TEP1: variants seen among roughly 807,000 people sequenced by gnomAD.
The protein encoded by TEP1 is telomerase associated protein 1, also known as telomerase protein component 1.
In TEP1, 241 loss-of-function variants were observed where a neutral mutation model predicts 306.3. That is an observed-to-expected ratio of 0.79 (90% CI 0.71 to 0.88). TEP1 has a LOEUF of 0.88. Among genes scored for constraint, TEP1 ranks in the 40% least tolerant of loss-of-function variants. The pLI, the probability that TEP1 is intolerant of heterozygous loss-of-function variation, is 0.00. For missense variants in TEP1, 3,051 were observed against 3,276.1 expected (o/e 0.93, Z 1.68); for synonymous variants, 1,289 against 1,305.5 (o/e 0.99, Z 0.27).
intron 39 of TEP1, 51 bp from the exon 40 acceptor site, chr14:20,377,804 C>G: frequency 6.2e-7 from 1 of 1,601,678 alleles, no homozygotes; most frequent in Non-Finnish European, 8.5e-7. Flanking sequence ...ACGCGGTCCT[C>G]CTTCCTGTTT....
At chr14:20,375,250 G>A (rs960330268) in intron 43 of TEP1, among the ~76,000 whole-genome samples, 20 of 151,976 alleles carry the variant, frequency 1.3e-4, no homozygotes, top group South Asian at 2.1e-4. Context: ...TCTGCCTCCC[G>A]GGTTCAAGTT....
intron 44 of TEP1, 87 bp from the exon 45 acceptor site, chr14:20,373,897 T>G: frequency 6.6e-7 from 1 of 1,525,798 alleles, no homozygotes; most frequent in Non-Finnish European, 8.9e-7. Context: ...GGTGGAGCAT[T>G]AGGAGCATGG....
chr14:20,395,392 A>G lies in TEP1; in HGVS notation c.1928+58T>C, dbSNP rs981455097. ...AGTTGGGATTCCCAGATGACTTCCA[A>G]CCTGTGCCAGGGTAGCCCCGATTGC... On this transcript the variant is annotated intron_variant, in intron 12 of 54. Coordinates refer to ENST00000262715, the MANE Select transcript of TEP1 (RefSeq NM_007110.5). 16 of 1,486,228 alleles carry G rather than the reference A, an allele frequency of 1.1e-5. No homozygotes were observed. In the Admixed American group the frequency reaches 1.9e-4, roughly 17 times the overall value. The allele number at this position is 1,486,228 out of a possible 1,614,324, so 92.1% of individuals were successfully genotyped here.
chr14:20,378,660 G>A (rs1885345567), intron 37 of TEP1, 94 bp downstream of exon 37: 4 of 1,577,402 alleles, frequency 2.5e-6, no homozygotes, highest in Non-Finnish European at 3.5e-6. Context: ...CTCTGGCCAG[G>A]GAGTCAGCAG....
At chr14:20,400,795 C>A in intron 9 of TEP1, 189 bp downstream of exon 9, 1 of 653,996 alleles carries the variant, frequency 1.5e-6, no homozygotes. Context: ...ATCTATGATG[C>A]CAACATTACT....
chr14:20,373,545 C>T lies in TEP1; in HGVS notation c.6643G>A (p.Gly2215Arg), dbSNP rs766727831. 17 of 1,614,056 alleles carry T rather than the reference C, an allele frequency of 1.1e-5. No homozygotes were observed. The highest frequency in any genetic ancestry group is 4.5e-5 in the East Asian group (2 of 44,894). Reference sequence around the variant, plus strand: ...CATAACCGTGTGGCCCCATCTAGCCCGACGGTTACCACCAGAAGCTCTGAC... The same window carrying T: ...CATAACCGTGTGGCCCCATCTAGCCTGACGGTTACCACCAGAAGCTCTGAC... ...PGSELLVVTV[G>R]LDGATRLWHP... The change falls in exon 46 of 55, where the codon GGG (glycine) becomes AGG (arginine). Residue 2215 changes from glycine (G) to arginine (R), a missense_variant. Physicochemically the swap from Gly to Arg is moderately radical, Grantham distance 125. Around this residue, in one of 3 missense-constraint regions of TEP1, gnomAD observed 1,540 missense variants for 1,705.9 expected, o/e 0.90. Transcript: ENST00000262715.
In TEP1 at chr14:20,368,487, G is replaced by A. The variant is rs1884604973; in HGVS notation, c.7834C>T (p.Leu2612Phe). 1.2e-6 allele frequency: 2 copies of A among 1,614,156 alleles called. No homozygotes were observed. Among genetic ancestry groups the A allele is most frequent in the Non-Finnish European group, 8.5e-7 (1 of 1,180,042 alleles). ...PWLGANSTLQ[L>F]AVGDVQGNVY... ...TTGCCCTGCACGTCTCCCACGGCAA[G>A]CTGCAGGGTGGAGTTAGCGCCCAGC... The change falls in exon 55 of 55, where the codon CTT becomes TTT. Residue 2612 changes from leucine (L) to phenylalanine (F), a missense_variant. Physicochemically the swap from Leu to Phe is conservative, Grantham distance 22 (BLOSUM62 0). This residue lies in a region of TEP1 where 1,540 missense variants were observed against 1,705.9 expected (regional missense o/e 0.90). Coordinates refer to ENST00000262715, the MANE Select transcript of TEP1 (RefSeq NM_007110.5).
Position 20,381,439 on chromosome 14 carries a change from T to A in TEP1, c.4559-38A>T. ...ATATTGAGAAAGGCTCAGCCCTGCA[T>A]CATTCCCAAGGGCAGTAGGTGAGCT... On this transcript the variant is annotated intron_variant, in intron 31 of 54. Transcript: ENST00000262715. This position sits in a 1 kb window ranked among gnomAD's most constrained non-coding sequence, Gnocchi z 4.0. 6.2e-7 allele frequency: 1 copy of A among 1,613,436 alleles called. No individual in the cohort carries two copies. Among genetic ancestry groups the A allele is most frequent in the Non-Finnish European group, 8.5e-7 (1 of 1,179,808 alleles).
rs746845018 is a variant in TEP1, at chr14:20,386,539, T to C, written c.2769A>G (p.Pro923=). The C allele has an allele frequency of 6.2e-7, 1 of 1,613,146 alleles. No homozygotes were observed. Among genetic ancestry groups the C allele is most frequent in the Non-Finnish European group, 8.5e-7 (1 of 1,179,410 alleles). ...ERDLLLRSVL[P]ALQARAAPHR... ...GAGGGGCCGCTCGGGCCTGCAGTGC[T>C]GGCAGCACAGACCTCAGCAGCAGGT... The change falls in exon 19 of 55, where the codon CCA becomes CCG. Residue 923 remains proline (P), a synonymous_variant. Transcript: ENST00000262715.
Position 20,368,370 on chromosome 14 carries a change from G to T in TEP1, c.*67C>A, listed in dbSNP as rs1436795873. On this transcript the variant is annotated 3_prime_UTR_variant, in exon 55 of 55. Transcript: ENST00000262715. ...ATTATTAATTTTATAATTATTAAAA[G>T]CTACCAGTGTCTTCAGGCTTTGCAT... 6.7e-7 allele frequency: 1 copy of T among 1,501,250 alleles called. No homozygotes were observed. Among genetic ancestry groups the T allele is most frequent in the Non-Finnish European group, 9.0e-7 (1 of 1,110,932 alleles). The allele number at this position is 1,501,250 out of a possible 1,614,324, so 93.0% of individuals were successfully genotyped here.
chr14:20,404,812 C>T (rs1345405637), intron 4 of TEP1, 40 bp from the exon 5 acceptor site: 1 of 1,556,930 alleles, frequency 6.4e-7, no homozygotes, highest in African/African-American at 1.4e-5. Flanking sequence ...TCAGTCACTC[C>T]TCCCGTAGCT....
In TEP1 at chr14:20,386,484, G is replaced by T. The variant is rs745737029; in HGVS notation, c.2824C>A (p.Arg942Ser). ...HRISLHGIDL[R>S]WGVTEEETRR... ...GTCTCCTCCTCAGTGACGCCCCAGC[G>T]GAGGTCGATTCCGTGAAGGCTGATA... The change falls in exon 19 of 55, where the codon CGC becomes AGC. Residue 942 changes from arginine (R) to serine (S), a missense_variant. By Grantham distance (110) the Arg-to-Ser change is moderately radical. Around this residue, in one of 3 missense-constraint regions of TEP1, gnomAD observed 1,507 missense variants for 1,550.5 expected, o/e 0.97. Transcript: ENST00000262715. 3.1e-6 allele frequency: 5 copies of T among 1,611,596 alleles called. No individual in the cohort carries two copies. Among genetic ancestry groups the T allele is most frequent in the Non-Finnish European group, 4.2e-6 (5 of 1,178,884 alleles).
rs373024184 is a variant in TEP1 at position 20,386,526 on chromosome 14, G to A, written c.2782C>T (p.Arg928Ter). ...LRSVLPALQA[R>*]AAPHRISLHG... is the part of the protein sequence containing the mutation. ...AGGCTGATACGGTGAGGGGCCGCTCGGGCCTGCAGTGCTGGCAGCACAGAC... is the reference window on the plus strand; with the variant it reads ...AGGCTGATACGGTGAGGGGCCGCTCAGGCCTGCAGTGCTGGCAGCACAGAC... The change falls in exon 19 of 55, where the codon CGA (arginine) becomes TGA (stop). Residue 928 changes from arginine to a stop codon, truncating the protein, a stop_gained. Coordinates refer to ENST00000262715, the MANE Select transcript of TEP1 (RefSeq NM_007110.5). LOFTEE classifies it high-confidence loss of function. 23 of 1,612,996 alleles carry A rather than the reference G, an allele frequency of 1.4e-5. No homozygotes were observed. The highest frequency in any genetic ancestry group is 8.9e-5 in the East Asian group (4 of 44,820).
chr14:20,408,173 C>G lies in TEP1; in HGVS notation c.267G>C (p.Lys89Asn). The G allele has an allele frequency of 6.2e-7, 1 of 1,611,676 alleles. No homozygotes were observed. Among genetic ancestry groups the G allele is most frequent in the Non-Finnish European group, 8.5e-7 (1 of 1,179,660 alleles). The change falls in exon 2 of 55, where the codon AAG becomes AAC. Residue 89 changes from lysine (K) to asparagine (N), a missense_variant. By Grantham distance (94) the Lys-to-Asn change is moderately conservative. Coordinates refer to ENST00000262715, the MANE Select transcript of TEP1 (RefSeq NM_007110.5). ...CATGTCCATGTGGTTTCTCCATGGT[C>G]TTCAGGTCAGAAAGTGTGGCCAGGC... is the stretch of plus-strand genomic sequence containing the variant. The part of the protein sequence containing the change: ...NQCLATLSDL[K>N]TMEKPHGHVS...
chr14:20,382,437 G>T, intron 28 of TEP1, 81 bp from the exon 29 acceptor site: 3 of 1,556,662 alleles, frequency 1.9e-6, no homozygotes, highest in Non-Finnish European at 2.6e-6. Flanking sequence ...AGGGGCAGCA[G>T]GAGGACAGTG....
intron 18 of TEP1, 38 bp from the exon 19 acceptor site, chr14:20,386,661 G>A (rs770948068): frequency 1.3e-6 from 2 of 1,527,302 alleles, no homozygotes; most frequent in Admixed American, 1.9e-5. Context: ...GTCTAGGGAT[G>A]ATTCCCACCC....
chr14:20,402,032 T>C (rs898184272), intron 7 of TEP1, among the ~76,000 whole-genome samples: 3 of 152,078 alleles, frequency 2.0e-5, no homozygotes, highest in African/African-American at 4.8e-5. Flanking sequence ...ACCTAACACT[T>C]TGGGAGGCCA....
chr14:20,376,724 G>C (rs2139025000), intron 41 of TEP1, among the ~76,000 whole-genome samples: 1 of 152,318 alleles, frequency 6.6e-6, no homozygotes, highest in Non-Finnish European at 1.5e-5. Flanking sequence ...CTCCCACGGG[G>C]CAGAAACTCA....
At chr14:20,403,083 T>C (rs1026801055) in intron 7 of TEP1, among the ~76,000 whole-genome samples, 3 of 146,562 alleles carry the variant, frequency 2.0e-5, no homozygotes, top group African/African-American at 7.6e-5. Flanking sequence ...CTTGAGCCTG[T>C]GAGGTGGAGG....
Sources: gnomAD v4.1 joint callset for allele counts (sites outside exome capture counted in the v4.1 genomes callset) on GRCh38, gnomAD v4.1.1 for gene constraint, gnomAD v4.1.1 regional missense constraint, Gnocchi (gnomAD v3.1) non-coding constraint, MANE v1.5 for transcripts, NCBI Gene and HGNC (gene_info 2026-07-23, HGNC 2026-07-21) for gene names.